The following LIFR variants were observed in gnomAD, a reference collection of about 807,000 sequenced individuals.
LIFR encodes the protein LIF receptor subunit alpha, also known as leukemia inhibitory factor receptor.
LIFR carries 84 observed loss-of-function variants against 122.2 expected under a neutral mutation model. The observed-to-expected ratio is 0.69, with a 90% CI of 0.58 to 0.82. LIFR has a LOEUF of 0.82. Among genes scored for constraint, LIFR ranks in the 40% least tolerant of loss-of-function variants. The pLI is 0.00. For missense variants in LIFR, 1,294 were observed against 1,311.6 expected (o/e 0.99, Z 0.21); for synonymous variants, 422 against 434.7 (o/e 0.97, Z 0.36).
chr5:38,475,824 G>A lies in LIFR; in HGVS notation c.*5771C>T, dbSNP rs1373753886. 1.1e-5 allele frequency: 2 copies of A among 188,884 alleles called. No homozygotes were observed. Among genetic ancestry groups the A allele is most frequent in the Non-Finnish European group, 2.2e-5 (2 of 89,740 alleles). 11.7% of individuals were successfully genotyped at this position (188,884 alleles called of 1,614,324 possible). On this transcript the variant is annotated 3_prime_UTR_variant, in exon 20 of 20. Transcript: ENST00000453190. ...TTAGGAAAGTTAAGTATTTTGAAAT[G>A]ATTTATTTTACCTTTCAACATACTT...
Position 38,504,048 on chromosome 5 carries a change from T to C in LIFR, c.1365A>G (p.Leu455=), listed in dbSNP as rs1204654428. The part of the protein sequence containing the change: ...NSTAVKLSWH[L]PGNFAKINFL... The stretch of plus-strand genomic sequence containing the variant: ...AATTAATCTTTGCAAAGTTGCCTGG[T>C]AAATGCCAAGAAAGTTTAACAGCTG... Residue 455 remains leucine, a synonymous_variant, in exon 10 of 20, where the codon TTA becomes TTG. Transcript: ENST00000453190. 1.3e-6 allele frequency: 2 copies of C among 1,593,186 alleles called. No homozygotes were observed. The highest frequency in any genetic ancestry group is 8.6e-7 in the Non-Finnish European group (1 of 1,161,122).
rs148051642 is a variant in LIFR, at chr5:38,605,031, G to T, written n.305+1174C>A. Among the ~76,000 whole-genome samples the T allele has an allele frequency of 7.8e-4, 118 of 152,244 alleles. 2 individuals carry two copies. Among genetic ancestry groups the T allele is most frequent in the African/African-American group, 2.7e-3 (111 of 41,554 alleles). On this transcript the variant is annotated intron_variant and non_coding_transcript_variant, in intron 2 of 3. Coordinates refer to the LIFR transcript ENST00000507786. The stretch of plus-strand genomic sequence containing the variant: ...CTGGGTTATGATAAGGGGTTGTGGA[G>T]ACCAAGGTTTTATCATGCAGATGAA...
At position 38,517,856 on chromosome 5, in the gene LIFR, C is replaced by CAAAA. The variant is rs572954936; in HGVS notation, c.561+5559_561+5562dup. Among the ~76,000 whole-genome samples, 91 of 15,026 alleles carry CAAAA rather than the reference C, an allele frequency of 6.1e-3. 13 individuals carry two copies. The highest frequency in any genetic ancestry group is 0.038 in the African/African-American group (85 of 2,238). 9.9% of individuals were successfully genotyped at this position (15,026 alleles called of 152,430 possible). ...TGTGCAACAGAGCAAGACACTGTCT[C>CAAAA]AAAAAAAAAAAAAAAAAAAAAAAAA... On this transcript the variant is annotated intron_variant, in intron 5 of 19. Coordinates refer to ENST00000453190, the MANE Select transcript of LIFR (RefSeq NM_001127671.2).
chr5:38,522,619 G>A (rs1217540264), intron 5 of LIFR, among the ~76,000 whole-genome samples: 1 of 152,132 alleles, frequency 6.6e-6, no homozygotes, highest in Admixed American at 6.5e-5. Context: ...ATGTGGCCTA[G>A]AAGCAATAGG....
chr5:38,527,374 C>T, intron 3 of LIFR, 80 bp from the exon 4 acceptor site: 1 of 908,330 alleles, frequency 1.1e-6, no homozygotes, highest in Non-Finnish European at 1.8e-6. Flanking sequence ...ACACAAAATA[C>T]AATGGAAAAT....
intron 7 of LIFR, among the ~76,000 whole-genome samples, chr5:38,507,085 C>G (rs1368392770): frequency 6.6e-6 from 1 of 152,062 alleles, no homozygotes; most frequent in Admixed American, 6.6e-5. Context: ...TTTCAGAGTT[C>G]TAAAATACAT....
exon 1 of LIFR, chr5:38,595,281 C>T (rs1187067952): frequency 6.5e-6 from 1 of 154,194 alleles, no homozygotes; most frequent in African/African-American, 2.4e-5. Flanking sequence ...ATGAATGAGT[C>T]GCAGAGGCTC....
intron 1 of LIFR, among the ~76,000 whole-genome samples, chr5:38,547,112 AG>A (rs1324864469): frequency 6.6e-6 from 1 of 152,204 alleles, no homozygotes; most frequent in African/African-American, 2.4e-5. Context: ...AGGGGAGTAA[AG>A]TCCATGTAAG....
In LIFR at chr5:38,482,595, G is replaced by C; in HGVS notation, c.2664C>G (p.Val888=). The C allele has an allele frequency of 1.4e-6, 2 of 1,461,794 alleles. No individual in the cohort carries two copies. The highest frequency in any genetic ancestry group is 9.4e-7 in the Non-Finnish European group (1 of 1,066,126). The allele number at this position is 1,461,794 out of a possible 1,614,324, so 90.6% of individuals were successfully genotyped here. A position where few individuals can be genotyped will look rare whatever the true frequency, so the allele number is the denominator to read the frequency against. Residue 888 remains valine, a synonymous_variant, in exon 19 of 20, where the codon GTC becomes GTG. Coordinates refer to ENST00000453190, the MANE Select transcript of LIFR (RefSeq NM_001127671.2). The part of the protein sequence containing the change: ...NCKALQFQKS[V]CEGSSALKTL... ...TAAGAAAATAAAAGATTACCTCACAGACACTCTTTTGAAACTGTAATGCTT... is the reference window on the plus strand; with the variant it reads ...TAAGAAAATAAAAGATTACCTCACACACACTCTTTTGAAACTGTAATGCTT...
At chr5:38,533,364 T>C (rs189020206) in intron 1 of LIFR, among the ~76,000 whole-genome samples, 1 of 152,354 alleles carries the variant, frequency 6.6e-6, no homozygotes, top group African/African-American at 2.4e-5. Context: ...TTTACACATA[T>C]GCTGACTTCA....
chr5:38,566,116 CTG>C (rs755492254), intron 1 of LIFR, among the ~76,000 whole-genome samples: 21 of 152,136 alleles, frequency 1.4e-4, no homozygotes, highest in Non-Finnish European at 2.4e-4. Flanking sequence ...TTATTGCTTT[CTG>C]TCTTTCATTT....
At chr5:38,493,207 C>G (rs561675431) in intron 14 of LIFR, among the ~76,000 whole-genome samples, 1 of 151,754 alleles carries the variant, frequency 6.6e-6, no homozygotes, top group Non-Finnish European at 1.5e-5. Flanking sequence ...GGCTACAGTT[C>G]CGTAGTTTTT....
At chr5:38,541,834 T>C (rs1747607611) in intron 1 of LIFR, among the ~76,000 whole-genome samples, 1 of 152,044 alleles carries the variant, frequency 6.6e-6, no homozygotes, top group Non-Finnish European at 1.5e-5. Flanking sequence ...TTGATAACAA[T>C]AACACACAGA....
intron 1 of LIFR, among the ~76,000 whole-genome samples, chr5:38,531,381 T>C (rs1452144511): frequency 2.0e-5 from 3 of 151,160 alleles, no homozygotes; most frequent in Non-Finnish European, 3.0e-5. Context: ...ACAAAACATA[T>C]AAGCAAAGGC....
chr5:38,537,196 T>C (rs1348754459), intron 1 of LIFR, among the ~76,000 whole-genome samples: 3 of 152,164 alleles, frequency 2.0e-5, no homozygotes, highest in Non-Finnish European at 2.9e-5. Flanking sequence ...AACACACAGT[T>C]CCAGTTCCAT....
At chr5:38,502,552 C>T (rs1745237957) in intron 11 of LIFR, 85 bp downstream of exon 11, 2 of 1,202,114 alleles carry the variant, frequency 1.7e-6, no homozygotes, top group Admixed American at 3.4e-5. Context: ...ACCCACTGCA[C>T]CCGGCCAACA....
At chr5:38,489,976 C>G (rs1041233990) in intron 15 of LIFR, among the ~76,000 whole-genome samples, 1 of 100,272 alleles carries the variant, frequency 1.0e-5, no homozygotes, top group Non-Finnish European at 1.8e-5. Context: ...GCCTGGGTGA[C>G]AGAGTAAGAC....
chr5:38,521,462 A>G (rs1444737495), intron 5 of LIFR, among the ~76,000 whole-genome samples: 2 of 152,098 alleles, frequency 1.3e-5, no homozygotes, highest in African/African-American at 4.8e-5. Context: ...ACTATTGTTG[A>G]ATAAGAGTGG....
chr5:38,584,049 C>T (rs935335322), intron 1 of LIFR, among the ~76,000 whole-genome samples: 9 of 151,970 alleles, frequency 5.9e-5, no homozygotes, highest in Non-Finnish European at 1.2e-4. Flanking sequence ...TACCCAGTCT[C>T]GGGTATGTCT....
Sources: gnomAD v4.1 joint callset for allele counts (sites outside exome capture counted in the v4.1 genomes callset) on GRCh38, gnomAD v4.1.1 for gene constraint, MANE v1.5 for transcripts, NCBI Gene and HGNC (gene_info 2026-07-23, HGNC 2026-07-21) for gene names.